The following TSPAN33 variants were observed in gnomAD, a reference collection of about 807,000 sequenced individuals.
TSPAN33 encodes the protein tetraspanin-33.
In TSPAN33, 27 loss-of-function variants were observed where a neutral mutation model predicts 34.8. The ratio of observed to expected loss-of-function variants is 0.78; its 90% CI spans 0.57 to 1.07. TSPAN33 has a LOEUF of 1.07. TSPAN33 is among the 50% of genes least tolerant of loss of function. The pLI, the probability that TSPAN33 is intolerant of heterozygous loss-of-function variation, is 0.00. For missense variants in TSPAN33, 272 were observed against 324.9 expected (o/e 0.84, Z 1.25); for synonymous variants, 119 against 124.2 (o/e 0.96, Z 0.28).
intron 1 of TSPAN33, 40 bp from the exon 2 acceptor site, chr7:129,161,639 T>C: frequency 1.2e-6 from 2 of 1,605,490 alleles, no homozygotes; most frequent in Non-Finnish European, 1.7e-6. Flanking sequence ...CTCTCTGGTT[T>C]CCAGAATCTC....
Position 129,169,434 on chromosome 7 carries a change from A to G in TSPAN33, c.*1560A>G, listed in dbSNP as rs1399335844. The G allele has an allele frequency of 6.6e-6, 1 of 152,234 alleles. No individual in the cohort carries two copies. Among genetic ancestry groups the G allele is most frequent in the Non-Finnish European group, 1.5e-5 (1 of 68,090 alleles). 9.4% of individuals were successfully genotyped at this position (152,234 alleles called of 1,614,324 possible). On this transcript the variant is annotated 3_prime_UTR_variant, in exon 8 of 8. Transcript: ENST00000486685. ...GGGGGGCTGTGCTAGCTGCTTGCCC[A>G]GCGAGTGTTCCCGGAGTCTCCTCGC...
intron 1 of TSPAN33, 120 bp from the exon 2 acceptor site, chr7:129,161,559 G>C (rs1455533080): frequency 1.1e-6 from 1 of 882,024 alleles, no homozygotes; most frequent in African/African-American, 1.7e-5. Context: ...GGAGGTGAAA[G>C]ATGCTCACCT....
In TSPAN33 at chr7:129,167,020, G is replaced by A; in HGVS notation, c.588+114G>A. 2 of 1,299,056 alleles carry A rather than the reference G, an allele frequency of 1.5e-6. No homozygotes were observed. Among genetic ancestry groups the A allele is most frequent in the Non-Finnish European group, 2.1e-6 (2 of 939,196 alleles). The allele number at this position is 1,299,056 out of a possible 1,614,324, so 80.5% of individuals were successfully genotyped here. On this transcript the variant is annotated intron_variant, in intron 6 of 7. Transcript: ENST00000486685. This position sits in a 1 kb window ranked among gnomAD's most constrained non-coding sequence, Gnocchi z 4.6. ...CTAGCTTCACCGATCAGTCATGTGG[G>A]ACAGCTGTCAGGTGTTTTTCTTCAC... is the stretch of plus-strand genomic sequence containing the variant.
At chr7:129,166,969 C>A in intron 6 of TSPAN33, 63 bp downstream of exon 6, 1 of 1,567,150 alleles carries the variant, frequency 6.4e-7, no homozygotes, top group Non-Finnish European at 8.7e-7. Context: ...CTGATGGGGG[C>A]AGCTGCTACT....
intron 1 of TSPAN33, among the ~76,000 whole-genome samples, chr7:129,147,779 A>G (rs1436953548): frequency 6.6e-6 from 1 of 152,166 alleles, no homozygotes; most frequent in Non-Finnish European, 1.5e-5. Flanking sequence ...GGCTCTGAAT[A>G]GTGGTGCTGG....
rs1211886706 is a variant in TSPAN33 at position 129,144,914 on chromosome 7, G to T, written c.-67G>T. ...CGGCTCGGCTCATGCCCCCGGGCGC[G>T]GGGCACACAGGCCGGCCGGCAGCCG... On this transcript the variant is annotated 5_prime_UTR_variant, in exon 1 of 8. Coordinates refer to ENST00000486685, the MANE Select transcript of TSPAN33 (RefSeq NM_178562.5). 6 of 342,184 alleles carry T rather than the reference G, an allele frequency of 1.8e-5. No individual in the cohort carries two copies. Among genetic ancestry groups the T allele is most frequent in the South Asian group, 5.8e-5 (1 of 17,216 alleles). The allele number at this position is 342,184 out of a possible 1,614,324, so 21.2% of individuals were successfully genotyped here. A position where few individuals can be genotyped will look rare whatever the true frequency, so the allele number is the denominator to read the frequency against.
chr7:129,169,274 G>A lies in TSPAN33; in HGVS notation c.*1400G>A, dbSNP rs1793194391. On this transcript the variant is annotated 3_prime_UTR_variant, in exon 8 of 8. Coordinates refer to ENST00000486685, the MANE Select transcript of TSPAN33 (RefSeq NM_178562.5). ...CGAGGAAGCTCGGCGCGGTGCGCTGGGCCTCCTGGCGCCGGGAGGAGCGCG... is the reference window on the plus strand; with the variant it reads ...CGAGGAAGCTCGGCGCGGTGCGCTGAGCCTCCTGGCGCCGGGAGGAGCGCG... The A allele has an allele frequency of 6.6e-6, 1 of 152,218 alleles. No homozygotes were observed. Among genetic ancestry groups the A allele is most frequent in the Non-Finnish European group, 1.5e-5 (1 of 68,110 alleles). 9.4% of individuals were successfully genotyped at this position (152,218 alleles called of 1,614,324 possible). A position where few individuals can be genotyped will look rare whatever the true frequency, so the allele number is the denominator to read the frequency against.
chr7:129,151,737 G>T (rs774709030), intron 1 of TSPAN33, among the ~76,000 whole-genome samples: 1 of 151,962 alleles, frequency 6.6e-6, no homozygotes, highest in Non-Finnish European at 1.5e-5. Flanking sequence ...TTATCTGCCT[G>T]CAAGTGCTAA....
intron 1 of TSPAN33, among the ~76,000 whole-genome samples, chr7:129,157,861 TTGC>T (rs1792979789): frequency 6.6e-6 from 1 of 152,260 alleles, no homozygotes; most frequent in Non-Finnish European, 1.5e-5. Flanking sequence ...TAGTTTCCTG[TTGC>T]TGCTGTAACA....
chr7:129,160,053 A>G (rs1793025448), intron 1 of TSPAN33, among the ~76,000 whole-genome samples: 1 of 152,116 alleles, frequency 6.6e-6, no homozygotes, highest in Non-Finnish European at 1.5e-5. Context: ...CTCACCCCGC[A>G]AAAAAGAGGG....
chr7:129,164,636 C>CAGGCATAGAGGGTGAGG, intron 5 of TSPAN33, 67 bp downstream of exon 5: 2 of 1,417,432 alleles, frequency 1.4e-6, no homozygotes, highest in Non-Finnish European at 2.0e-6. Flanking sequence ...AGATGCCTCA[C>CAGGCATAGAGGGTGAGG]CCTCTATGCC....
At chr7:129,155,201 A>T (rs770629271) in intron 1 of TSPAN33, among the ~76,000 whole-genome samples, 12 of 152,348 alleles carry the variant, frequency 7.9e-5, no homozygotes, top group Non-Finnish European at 1.5e-4. Flanking sequence ...AGGGCTAAAA[A>T]AGTGAAACTC....
chr7:129,161,750 C>G lies in TSPAN33; in HGVS notation c.160+14C>G. 6.2e-7 allele frequency: 1 copy of G among 1,614,024 alleles called. No homozygotes were observed. ...TGAAGCATGCAGGTGAGCTGTAGCT[C>G]TCCCTCCCTGCCCCCACCTTGTGCC... On this transcript the variant is annotated intron_variant, in intron 2 of 7. Coordinates refer to ENST00000486685, the MANE Select transcript of TSPAN33 (RefSeq NM_178562.5).
At chr7:129,162,304 G>A in intron 2 of TSPAN33, 90 bp from the exon 3 acceptor site, 30 of 1,567,110 alleles carry the variant, frequency 1.9e-5, no homozygotes, top group Non-Finnish European at 2.5e-5. Context: ...CCCACCAGGG[G>A]AAGGAGAACA....
At position 129,168,748 on chromosome 7, in the gene TSPAN33, C is replaced by T. The variant is rs181474078; in HGVS notation, c.*874C>T. 1 of 152,956 alleles carries T rather than the reference C, an allele frequency of 6.5e-6. No homozygotes were observed. Among genetic ancestry groups the T allele is most frequent in the Admixed American group, 6.5e-5 (1 of 15,298 alleles). The allele number at this position is 152,956 out of a possible 1,614,324, so 9.5% of individuals were successfully genotyped here. A position where few individuals can be genotyped will look rare whatever the true frequency, so the allele number is the denominator to read the frequency against. On this transcript the variant is annotated 3_prime_UTR_variant, in exon 8 of 8. Coordinates refer to ENST00000486685, the MANE Select transcript of TSPAN33 (RefSeq NM_178562.5). The stretch of plus-strand genomic sequence containing the variant: ...CCCACCCCATTCCCCTGCATCGGAG[C>T]TCAGTATTCCTACAGGGTAAGAGGT...
Position 129,167,136 on chromosome 7 carries a change from C to G in TSPAN33, c.588+230C>G, listed in dbSNP as rs1793154436. ...TTAAGTTTTAAGTTCAGATTCAGTA[C>G]CTGTGCAGGTTTGTTATATAAGTAA... On this transcript the variant is annotated intron_variant, in intron 6 of 7. Transcript: ENST00000486685. This position sits in a 1 kb window ranked among gnomAD's most constrained non-coding sequence, Gnocchi z 4.6. Among the ~76,000 whole-genome samples, 1 of 152,132 alleles carries G rather than the reference C, an allele frequency of 6.6e-6. No homozygotes were observed. Among genetic ancestry groups the G allele is most frequent in the Non-Finnish European group, 1.5e-5 (1 of 68,036 alleles).
intron 1 of TSPAN33, 31 bp downstream of exon 1, chr7:129,145,113 G>T: frequency 1.5e-6 from 1 of 665,660 alleles, no homozygotes. Context: ...CACCTGGGCG[G>T]CGGGGTCCCC....
intron 1 of TSPAN33, among the ~76,000 whole-genome samples, chr7:129,154,015 T>C (rs1810635840): frequency 1.3e-5 from 2 of 152,110 alleles, no homozygotes; most frequent in African/African-American, 4.8e-5. Flanking sequence ...TTCCCAGTGC[T>C]CTGTCACTTG....
intron 4 of TSPAN33, among the ~76,000 whole-genome samples, chr7:129,163,130 A>G (rs1436090306): frequency 6.6e-6 from 1 of 152,264 alleles, no homozygotes; most frequent in East Asian, 1.9e-4. Context: ...AGAAGCTAAC[A>G]GGGAAGTAAA....
Sources: allele counts gnomAD v4.1 joint callset (sites outside exome capture counted in the v4.1 genomes callset), GRCh38; gene constraint gnomAD v4.1.1; non-coding constraint Gnocchi (gnomAD v3.1); transcripts MANE v1.5; gene names NCBI Gene and HGNC (gene_info 2026-07-23, HGNC 2026-07-21).